The following SMARCA4 variants were observed in gnomAD, a reference collection of about 807,000 sequenced individuals.
SMARCA4 encodes the protein SWI/SNF-related matrix-associated actin-dependent regulator of chromatin subfamily A member 4.
A neutral mutation model predicts 193.9 loss-of-function variants in SMARCA4; 31 were observed. The ratio of observed to expected loss-of-function variants is 0.16; its 90% confidence interval spans 0.12 to 0.22. The LOEUF (loss-of-function observed/expected upper bound fraction) is 0.22, where lower values mean the gene tolerates loss of function less well. SMARCA4 is among the 10% of genes least tolerant of loss of function. The pLI is 1.00. For synonymous variants in SMARCA4, 942 were observed against 933.1 expected, an observed-to-expected ratio of 1.01 and a Z score of -0.17; for missense variants, 1,148 against 2,296.0, an observed-to-expected ratio of 0.50 and a Z score of 10.22.
At position 10,975,766 on chromosome 19, in the gene SMARCA4, T is replaced by C. The variant is rs554700264; in HGVS notation, c.-31-8355T>C. On this transcript the variant is annotated intron_variant, in intron 1 of 34. Transcript: ENST00000344626. ...GGGAAAGGGTTAACCTCCTGGACTT[T>C]TAACTGAGTGTTTTACATCTTAGCT... 9.2e-5 allele frequency among the ~76,000 whole-genome samples: 14 copies of C among 152,326 alleles called. No individual in the cohort carries two copies. In the South Asian group the frequency reaches 2.7e-3, roughly 29 times the overall value.
chr19:11,044,190 C>T (rs992061936), intron 30 of SMARCA4, among the ~76,000 whole-genome samples: 1 of 152,194 alleles, frequency 6.6e-6, no homozygotes, highest in Middle Eastern at 3.4e-3. Flanking sequence ...CTCGACCACC[C>T]CCACACACGC....
chr19:10,972,666 C>T (rs943916050), intron 1 of SMARCA4, among the ~76,000 whole-genome samples: 3 of 152,192 alleles, frequency 2.0e-5, no homozygotes. Flanking sequence ...CCTGCCCACT[C>T]TTGGCCTTTG....
In SMARCA4 at chr19:10,985,948, C is replaced by T. The variant is rs757078782; in HGVS notation, c.356-241C>T. Among the ~76,000 whole-genome samples, 30 of 152,142 alleles carry T rather than the reference C, an allele frequency of 2.0e-4. No homozygotes were observed. The highest frequency in any genetic ancestry group is 4.4e-4 in the Non-Finnish European group (30 of 68,026). On this transcript the variant is annotated intron_variant, in intron 3 of 34. Coordinates refer to ENST00000344626, the MANE Select transcript of SMARCA4 (RefSeq NM_003072.5). The surrounding 1 kb of genome is among the most constrained non-coding windows in gnomAD (Gnocchi z 4.5). ...CGGGAGAGAGCCGTGATTTCATGCA[C>T]AGGTTCTCAGCATTAACCAGAAGCA...
Position 11,030,549 on chromosome 19 carries a change from C to T in SMARCA4, c.3383-181C>T, listed in dbSNP as rs1707118866. Among the ~76,000 whole-genome samples, 1 of 152,220 alleles carries T rather than the reference C, an allele frequency of 6.6e-6. No individual in the cohort carries two copies. Among genetic ancestry groups the T allele is most frequent in the Non-Finnish European group, 1.5e-5 (1 of 68,042 alleles). ...TGTGGAGAGACGTTTTGTGGTGAAACACTGGAAATCCAGTTATTCGCCAGT... is the reference window on the plus strand; with the variant it reads ...TGTGGAGAGACGTTTTGTGGTGAAATACTGGAAATCCAGTTATTCGCCAGT... On this transcript the variant is annotated intron_variant, in intron 24 of 34. Transcript: ENST00000344626. The surrounding 1 kb of genome is among the most constrained non-coding windows in gnomAD (Gnocchi z 5.5).
At chr19:10,978,014 A>G (rs1451502335) in intron 1 of SMARCA4, among the ~76,000 whole-genome samples, 1 of 152,184 alleles carries the variant, frequency 6.6e-6, no homozygotes, top group East Asian at 1.9e-4. Context: ...CAGCAGGACC[A>G]CTGTAGTCCC....
intron 33 of SMARCA4, 50 bp downstream of exon 33, chr19:11,059,935 C>T (rs750773035): frequency 1.2e-6 from 2 of 1,613,416 alleles, no homozygotes; most frequent in Non-Finnish European, 1.7e-6. Context: ...GGCCCGAGAG[C>T]CCCCAAGGCC....
chr19:11,027,694 G>A (rs2090362015), intron 23 of SMARCA4, 90 bp from the exon 24 acceptor site: 1 of 1,425,098 alleles, frequency 7.0e-7, no homozygotes, highest in Non-Finnish European at 9.9e-7. Context: ...GCCTGGCCTG[G>A]AGGCGGGCGA....
chr19:10,991,317 G>A lies in SMARCA4; in HGVS notation c.1413G>A (p.Lys471=), dbSNP rs17001073. 0.038 allele frequency: 59,926 copies of A among 1,597,060 alleles called. 1,410 individuals are homozygous for A. Among genetic ancestry groups the A allele is most frequent in the Non-Finnish European group, 0.044 (51,642 of 1,172,388 alleles). Residue 471 remains lysine (K), a synonymous_variant, in exon 8 of 35, where the codon AAG becomes AAA. Transcript: ENST00000344626. ...KIEQERKRRQ[K]HQEYLNSILQ... ...AGCAGGAGCGCAAGCGCCGGCAGAA[G>A]CACCAGGTACGCTCCGGTGGCCCCA... is the stretch of plus-strand genomic sequence containing the variant.
At chr19:10,968,946 C>T (rs150194104) in intron 1 of SMARCA4, among the ~76,000 whole-genome samples, 3 of 152,206 alleles carry the variant, frequency 2.0e-5, no homozygotes. Context: ...TCCTGGGTGC[C>T]TGTGGGAGTG....
At position 11,034,116 on chromosome 19, in the gene SMARCA4, CTT is replaced by C; in HGVS notation, c.3874-6_3874-5del. On this transcript the variant is annotated splice_region_variant and splice_polypyrimidine_tract_variant and intron_variant, in intron 27 of 34. Coordinates refer to ENST00000344626, the MANE Select transcript of SMARCA4 (RefSeq NM_003072.5). The surrounding 1 kb of genome is among the most constrained non-coding windows in gnomAD (Gnocchi z 7.0). ...CTCAGCGGCACTGACAGTTTGCAAT[CTT>C]ATAGGAGGAAGACGAGGTGCCCGAC... 3 of 1,612,280 alleles carry C rather than the reference CTT, an allele frequency of 1.9e-6. No individual in the cohort carries two copies. The highest frequency in any genetic ancestry group is 2.5e-6 in the Non-Finnish European group (3 of 1,178,854).
At chr19:11,026,868 A>G (rs2090301832) in intron 23 of SMARCA4, among the ~76,000 whole-genome samples, 1 of 152,210 alleles carries the variant, frequency 6.6e-6, no homozygotes, top group African/African-American at 2.4e-5. Flanking sequence ...TTCCTGAGGC[A>G]GACCTGGCTT....
Position 11,023,628 on chromosome 19 carries a change from A to G in SMARCA4, c.2970A>G (p.Glu990=), listed in dbSNP as rs201481265. 1 of 1,601,210 alleles carries G rather than the reference A, an allele frequency of 6.2e-7. No individual in the cohort carries two copies. The highest frequency in any genetic ancestry group is 1.7e-5 in the Admixed American group (1 of 59,168). ...LKKEVEAQLP[E]KVEYVIKCDM... ...AGGAAGTCGAGGCCCAGTTGCCCGA[A>G]AAGGTGATGGAGTTTTGAGGGGAGC... The change falls in exon 20 of 35, where the codon GAA becomes GAG. Residue 990 remains glutamate, a synonymous_variant. Coordinates refer to ENST00000344626, the MANE Select transcript of SMARCA4 (RefSeq NM_003072.5).
intron 30 of SMARCA4, among the ~76,000 whole-genome samples, chr19:11,051,833 C>G (rs1028986895): frequency 2.0e-5 from 3 of 152,018 alleles, no homozygotes; most frequent in Admixed American, 1.3e-4. Context: ...TGCTGTGACT[C>G]AGGCCTGTAA....
chr19:10,999,414 T>C (rs536696117), intron 11 of SMARCA4, among the ~76,000 whole-genome samples: 48 of 152,086 alleles, frequency 3.2e-4, no homozygotes, highest in Admixed American at 2.7e-3. Flanking sequence ...CCCAGTACTT[T>C]GGGAGGCCAA....
intron 1 of SMARCA4, among the ~76,000 whole-genome samples, chr19:10,976,502 T>C (rs2145610734): frequency 6.6e-6 from 1 of 152,242 alleles, no homozygotes; most frequent in East Asian, 1.9e-4. Flanking sequence ...ATGCCTGTAG[T>C]CCTAGCACTT....
At chr19:11,012,261 T>C (rs1381492583) in intron 15 of SMARCA4, 1 of 155,082 alleles carries the variant, frequency 6.4e-6, no homozygotes, top group Non-Finnish European at 1.4e-5. Flanking sequence ...TAATCCCAGC[T>C]ACTTGGGAGG....
rs2146495096 is a variant in SMARCA4, at chr19:11,025,406, C to G, written c.3082-16C>G. ...AGGGCAAGACCCCATTTGGGTCCCT[C>G]TCATCTGCCTTCCAGGGCAAAGGCG... On this transcript the variant is annotated splice_polypyrimidine_tract_variant and intron_variant, in intron 21 of 34. Transcript: ENST00000344626. 3 of 1,606,268 alleles carry G rather than the reference C, an allele frequency of 1.9e-6. No individual in the cohort carries two copies. Among genetic ancestry groups the G allele is most frequent in the Non-Finnish European group, 1.7e-6 (2 of 1,173,922 alleles).
intron 30 of SMARCA4, among the ~76,000 whole-genome samples, chr19:11,056,020 C>T (rs1252422734): frequency 6.6e-6 from 1 of 152,228 alleles, no homozygotes; most frequent in Non-Finnish European, 1.5e-5. Flanking sequence ...GCAACTCTTG[C>T]TGTGCCTTAT....
In SMARCA4 at chr19:11,034,849, C is replaced by A; in HGVS notation, c.3952-65C>A. On this transcript the variant is annotated intron_variant, in intron 28 of 34. Transcript: ENST00000344626. This position sits in a 1 kb window ranked among gnomAD's most constrained non-coding sequence, Gnocchi z 7.0. ...AAGGCCCTTCTGAACTCTCGGTGTTCTGGCTCTAGCGTGCCCCTGGTGCCT... is the reference window on the plus strand; with the variant it reads ...AAGGCCCTTCTGAACTCTCGGTGTTATGGCTCTAGCGTGCCCCTGGTGCCT... 1.9e-6 allele frequency: 2 copies of A among 1,058,604 alleles called. No individual in the cohort carries two copies. Among genetic ancestry groups the A allele is most frequent in the Non-Finnish European group, 2.8e-6 (2 of 708,880 alleles). The allele number at this position is 1,058,604 out of a possible 1,614,324, so 65.6% of individuals were successfully genotyped here.
Sources: gnomAD v4.1 joint callset for allele counts (sites outside exome capture counted in the v4.1 genomes callset) on GRCh38, gnomAD v4.1.1 for gene constraint, Gnocchi (gnomAD v3.1) non-coding constraint, MANE v1.5 for transcripts, NCBI Gene and HGNC (gene_info 2026-07-23, HGNC 2026-07-21) for gene names.